The following KCNAB1 variants were observed in gnomAD, a reference collection of about 807,000 sequenced individuals.
The protein encoded by KCNAB1 is voltage-gated potassium channel subunit beta-1.
In KCNAB1, 35 loss-of-function variants were observed where a neutral mutation model predicts 64.6. That is an observed-to-expected ratio of 0.54 (90% CI 0.41 to 0.72). KCNAB1 has a LOEUF of 0.72. Among genes scored for constraint, KCNAB1 ranks in the 30% least tolerant of loss-of-function variants. The pLI is 0.00. For missense variants in KCNAB1, 401 were observed against 512.9 expected, an observed-to-expected ratio of 0.78 and a Z score of 2.11; for synonymous variants, 177 against 183.8, an observed-to-expected ratio of 0.96 and a Z score of 0.30.
intron 1 of KCNAB1, chr3:156,143,048 C>T (rs554669903): frequency 7.2e-7 from 1 of 1,387,446 alleles, no homozygotes; most frequent in South Asian, 2.0e-5. Flanking sequence ...TAAGAGAGAT[C>T]TAAAGAAAAC....
intron 1 of KCNAB1, among the ~76,000 whole-genome samples, chr3:156,357,348 G>GTCATAA (rs1392455127): frequency 3.3e-5 from 5 of 152,146 alleles, no homozygotes; most frequent in Admixed American, 3.3e-4. Context: ...AGAAAAGGAA[G>GTCATAA]TCATAATTTT....
intron 1 of KCNAB1, among the ~76,000 whole-genome samples, chr3:156,147,663 G>A (rs911836380): frequency 6.6e-6 from 1 of 152,062 alleles, no homozygotes; most frequent in Non-Finnish European, 1.5e-5. Flanking sequence ...TGAGCTGACG[G>A]CAGGGAGAAG....
At chr3:156,469,170 C>T (rs976911537) in intron 7 of KCNAB1, among the ~76,000 whole-genome samples, 2 of 151,774 alleles carry the variant, frequency 1.3e-5, no homozygotes, top group Non-Finnish European at 2.9e-5. Context: ...CTACTATGCT[C>T]CTCACTGCAT....
At chr3:156,143,521 G>T in intron 1 of KCNAB1, 2 of 654,780 alleles carry the variant, frequency 3.1e-6, no homozygotes, top group Non-Finnish European at 4.4e-6. Context: ...AACCCTGTAA[G>T]AAAAAGAAGG....
intron 8 of KCNAB1, among the ~76,000 whole-genome samples, chr3:156,491,291 C>T (rs1335439007): frequency 5.9e-5 from 9 of 152,014 alleles, no homozygotes; most frequent in African/African-American, 2.2e-4. Flanking sequence ...CAGAAAGTGA[C>T]CAGCAGAGAC....
intron 1 of KCNAB1, among the ~76,000 whole-genome samples, chr3:156,279,607 T>C (rs1273713330): frequency 3.9e-5 from 6 of 152,016 alleles, no homozygotes; most frequent in Non-Finnish European, 7.4e-5. Flanking sequence ...TTCCTATTTC[T>C]CCACATCCTC....
chr3:156,524,664 G>A (rs751841853), intron 12 of KCNAB1, among the ~76,000 whole-genome samples: 37 of 145,126 alleles, frequency 2.5e-4, no homozygotes, highest in Non-Finnish European at 4.3e-4. Context: ...GGAGAATGGC[G>A]TGAACCCGAG....
At chr3:156,295,008 A>G (rs1010858777) in intron 1 of KCNAB1, among the ~76,000 whole-genome samples, 10 of 152,264 alleles carry the variant, frequency 6.6e-5, no homozygotes, top group Non-Finnish European at 1.3e-4. Context: ...ACAAAGGTGC[A>G]GAAGCCAGGT....
At chr3:156,476,275 T>C (rs891292503) in intron 8 of KCNAB1, among the ~76,000 whole-genome samples, 6 of 152,038 alleles carry the variant, frequency 3.9e-5, no homozygotes, top group African/African-American at 1.2e-4. Flanking sequence ...GCACCATATT[T>C]GTAGTCTTAT....
intron 12 of KCNAB1, 68 bp downstream of exon 12, chr3:156,524,015 A>G: frequency 7.0e-7 from 1 of 1,435,640 alleles, no homozygotes; most frequent in South Asian, 1.3e-5. Flanking sequence ...TCTATTGCTG[A>G]CCACACCCTT....
At chr3:156,200,122 A>C (rs1342522169) in intron 1 of KCNAB1, among the ~76,000 whole-genome samples, 2 of 152,244 alleles carry the variant, frequency 1.3e-5, no homozygotes, top group African/African-American at 4.8e-5. Context: ...TCCACTCCAG[A>C]CCCTGTTTGC....
chr3:156,316,638 CA>C (rs1722295087), intron 1 of KCNAB1, among the ~76,000 whole-genome samples: 1 of 152,214 alleles, frequency 6.6e-6, no homozygotes, highest in South Asian at 2.1e-4. Context: ...GATAGCAAAG[CA>C]GCTCCCAACC....
intron 1 of KCNAB1, among the ~76,000 whole-genome samples, chr3:156,206,021 CA>C (rs1714639308): frequency 6.6e-6 from 1 of 152,202 alleles, no homozygotes; most frequent in Non-Finnish European, 1.5e-5. Context: ...CATTACTGTG[CA>C]CTGTCCTATC....
At chr3:156,440,075 C>T (rs1449148848) in intron 2 of KCNAB1, among the ~76,000 whole-genome samples, 1 of 152,230 alleles carries the variant, frequency 6.6e-6, no homozygotes, top group Admixed American at 6.5e-5. Context: ...TCTGCTGGTT[C>T]TTGAATTCAA....
At chr3:156,433,051 C>T (rs1385022287) in intron 2 of KCNAB1, among the ~76,000 whole-genome samples, 1 of 152,140 alleles carries the variant, frequency 6.6e-6, no homozygotes, top group African/African-American at 2.4e-5. Context: ...CCCTGTAAAG[C>T]ACGGCCAGGC....
intron 1 of KCNAB1, among the ~76,000 whole-genome samples, chr3:156,127,973 G>A (rs994451401): frequency 1.3e-5 from 2 of 151,932 alleles, no homozygotes; most frequent in Admixed American, 1.3e-4. Flanking sequence ...CTGGAAGGCA[G>A]TGCCTCTATC....
rs1712036252 is a variant in KCNAB1 at position 156,172,126 on chromosome 3, T to G, written c.275+51240T>G. On this transcript the variant is annotated intron_variant, in intron 1 of 13. Transcript: ENST00000490337. ...GATTCACACATAAACTTGTCAATTT[T>G]CTTCGTATCTGTATTCATCAGAAGT... Among the ~76,000 whole-genome samples, 2 of 152,226 alleles carry G rather than the reference T, an allele frequency of 1.3e-5. 1 individual carries two copies. The highest frequency in any genetic ancestry group is 4.1e-4 in the South Asian group (2 of 4,830).
chr3:156,461,746 C>T (rs1194867242), intron 5 of KCNAB1, among the ~76,000 whole-genome samples: 1 of 152,168 alleles, frequency 6.6e-6, no homozygotes, highest in Admixed American at 6.5e-5. Flanking sequence ...GCTGCAGAAC[C>T]TATTTTATAT....
intron 1 of KCNAB1, among the ~76,000 whole-genome samples, chr3:156,389,623 A>G (rs1245244819): frequency 1.3e-5 from 2 of 152,202 alleles, no homozygotes; most frequent in African/African-American, 4.8e-5. Flanking sequence ...TGAATCAGAA[A>G]TACTGGGATT....
Sources: allele counts gnomAD v4.1 joint callset (sites outside exome capture counted in the v4.1 genomes callset), GRCh38; gene constraint gnomAD v4.1.1; transcripts MANE v1.5; gene names NCBI Gene and HGNC (gene_info 2026-07-23, HGNC 2026-07-21).